The following SEMA6D variants were observed in gnomAD, a reference collection of about 807,000 sequenced individuals.
SEMA6D encodes the protein semaphorin-6D.
Under a neutral mutation model 106.6 loss-of-function variants are expected in SEMA6D, and 35 were observed. That is an observed-to-expected ratio of 0.33 (90% CI 0.25 to 0.44). The LOEUF is 0.44. Ranked by LOEUF, SEMA6D falls within the 20% of genes least tolerant of loss-of-function variation. SEMA6D has a pLI of 1.00. For synonymous variants in SEMA6D, 499 were observed against 487.7 expected (o/e 1.02, Z -0.31); for missense variants, 1,185 against 1,345.9 (o/e 0.88, Z 1.87).
intron 3 of SEMA6D, among the ~76,000 whole-genome samples, chr15:47,576,941 C>G (rs2142988009): frequency 6.6e-6 from 1 of 152,276 alleles, no homozygotes; most frequent in East Asian, 1.9e-4. Context: ...TGTGTACCTA[C>G]AGAAATACAT....
chr15:47,713,339 G>A (rs1242160409), upstream of SEMA6D, among the ~76,000 whole-genome samples: 1 of 152,116 alleles, frequency 6.6e-6, no homozygotes, highest in Non-Finnish European at 1.5e-5. Context: ...CATAATAATA[G>A]AAATGAATTA....
Position 47,767,104 on chromosome 15 carries a change from T to G in SEMA6D, c.1765+11T>G. 1 of 1,549,614 alleles carries G rather than the reference T, an allele frequency of 6.5e-7. No homozygotes were observed. On this transcript the variant is annotated intron_variant, in intron 17 of 18. Coordinates refer to ENST00000536845, the MANE Select transcript of SEMA6D (RefSeq NM_001358351.3). ...GCGGTCCAACATCTGGTTAGTTTTT[T>G]TTAATTTTTTTGAATTAACAACCTT... is the stretch of plus-strand genomic sequence containing the variant.
At chr15:47,531,159 G>A (rs1039568067) in intron 3 of SEMA6D, among the ~76,000 whole-genome samples, 2 of 152,138 alleles carry the variant, frequency 1.3e-5, no homozygotes, top group African/African-American at 2.4e-5. Flanking sequence ...ATCTTTATAT[G>A]TATATGAAAA....
intron 1 of SEMA6D, among the ~76,000 whole-genome samples, chr15:47,369,042 A>G (rs2039170324): frequency 6.6e-6 from 1 of 152,214 alleles, no homozygotes; most frequent in African/African-American, 2.4e-5. Context: ...AAGCCAGATA[A>G]CTACCTATGG....
chr15:47,524,447 C>T (rs951387413), intron 3 of SEMA6D, among the ~76,000 whole-genome samples: 1 of 152,020 alleles, frequency 6.6e-6, no homozygotes, highest in Non-Finnish European at 1.5e-5. Context: ...TGAGCCTTAT[C>T]AGGGAAAAGA....
intron 4 of SEMA6D, among the ~76,000 whole-genome samples, chr15:47,668,584 T>C (rs1019896995): frequency 6.6e-6 from 1 of 152,208 alleles, no homozygotes; most frequent in East Asian, 1.9e-4. Flanking sequence ...GCCAAAGGCA[T>C]GCCTGAACCT....
At chr15:47,506,505 A>G (rs1488897693) in intron 3 of SEMA6D, among the ~76,000 whole-genome samples, 8 of 152,098 alleles carry the variant, frequency 5.3e-5, no homozygotes, top group African/African-American at 1.9e-4. Flanking sequence ...GGCTGGGGGA[A>G]AATCCAAGCC....
At chr15:47,392,850 G>A (rs2040084849) in intron 1 of SEMA6D, among the ~76,000 whole-genome samples, 1 of 152,224 alleles carries the variant, frequency 6.6e-6, no homozygotes, top group African/African-American at 2.4e-5. Context: ...GGCTTCCAAT[G>A]AAAACAAGGG....
At chr15:47,463,196 G>T (rs2042563695) in intron 2 of SEMA6D, among the ~76,000 whole-genome samples, 1 of 152,116 alleles carries the variant, frequency 6.6e-6, no homozygotes, top group South Asian at 2.1e-4. Flanking sequence ...TGCAAGCTGG[G>T]TTCCACAGTG....
chr15:47,729,254 T>C (rs1170681091), intron 1 of SEMA6D, among the ~76,000 whole-genome samples: 1 of 152,226 alleles, frequency 6.6e-6, no homozygotes, highest in Non-Finnish European at 1.5e-5. Context: ...AATATAATCA[T>C]CATAGTAGTA....
chr15:47,454,272 C>A (rs2042276167), intron 2 of SEMA6D, among the ~76,000 whole-genome samples: 1 of 151,928 alleles, frequency 6.6e-6, no homozygotes, highest in Admixed American at 6.6e-5. Context: ...CATTAGTACT[C>A]CTTAGAGTGA....
chr15:47,569,414 A>G (rs2046319607), intron 3 of SEMA6D, among the ~76,000 whole-genome samples: 1 of 152,134 alleles, frequency 6.6e-6, no homozygotes, highest in African/African-American at 2.4e-5. Context: ...CATGGTCATT[A>G]TTGATATGCT....
rs534886076 is a variant in SEMA6D, at chr15:47,252,178, A to G, written c.-239+67760A>G. 6.9e-4 allele frequency among the ~76,000 whole-genome samples: 100 copies of G among 145,484 alleles called. 3 individuals carry two copies. Among genetic ancestry groups the G allele is most frequent in the African/African-American group, 2.2e-3 (84 of 38,422 alleles). On this transcript the variant is annotated intron_variant, in intron 1 of 19. Transcript: ENST00000558014. ...GTGATCCGCCCGCCTCGGCCTCCCA[A>G]AGTGCTGGGATTACAGGCGTGCTAA... is the stretch of plus-strand genomic sequence containing the variant.
chr15:47,594,804 A>T (rs1369634), intron 3 of SEMA6D, among the ~76,000 whole-genome samples: 2 of 152,072 alleles, frequency 1.3e-5, no homozygotes, highest in African/African-American at 2.4e-5. Flanking sequence ...GAAAGGCTCC[A>T]TAGAAATAGT....
upstream of SEMA6D, among the ~76,000 whole-genome samples, chr15:47,714,152 G>A (rs534967646): frequency 3.9e-3 from 589 of 152,176 alleles, 4 homozygotes; most frequent in African/African-American, 0.014. Flanking sequence ...AGGAGCCTGG[G>A]TTTCAATCCA....
intron 1 of SEMA6D, among the ~76,000 whole-genome samples, chr15:47,401,264 A>G (rs2040388846): frequency 6.6e-6 from 1 of 152,094 alleles, no homozygotes; most frequent in African/African-American, 2.4e-5. Flanking sequence ...TTATAATCCC[A>G]CATTTCTTAT....
chr15:47,324,817 G>A (rs2143821206), intron 1 of SEMA6D, among the ~76,000 whole-genome samples: 1 of 151,904 alleles, frequency 6.6e-6, no homozygotes, highest in Admixed American at 6.6e-5. Flanking sequence ...GGTATATATA[G>A]ATATAATGAG....
chr15:47,396,796 C>T (rs1265404200), intron 1 of SEMA6D: 2 of 152,122 alleles, frequency 1.3e-5, no homozygotes, highest in African/African-American at 4.8e-5. Flanking sequence ...CAAGTTGATA[C>T]TTAGTATTAA....
intron 1 of SEMA6D, among the ~76,000 whole-genome samples, chr15:47,191,804 A>T (rs1893980508): frequency 6.6e-6 from 1 of 152,170 alleles, no homozygotes; most frequent in African/African-American, 2.4e-5. Context: ...TGAAGCTAAA[A>T]GTCAGGTATA....
Sources: allele counts gnomAD v4.1 joint callset (sites outside exome capture counted in the v4.1 genomes callset), GRCh38; gene constraint gnomAD v4.1.1; transcripts MANE v1.5; gene names NCBI Gene and HGNC (gene_info 2026-07-23, HGNC 2026-07-21).